Variants in SPSB1 observed in about 807,000 individuals in gnomAD.
SPSB1 encodes the protein SPRY domain-containing SOCS box protein 1.
SPSB1 carries 8 observed loss-of-function variants against 21.2 expected under a neutral mutation model. The ratio of observed to expected loss-of-function variants is 0.38; its 90% confidence interval spans 0.22 to 0.68. The LOEUF (loss-of-function observed/expected upper bound fraction) is 0.68. SPSB1 is among the 30% of genes least tolerant of loss of function. The probability of loss-of-function intolerance (pLI) is 0.53; values close to 1 mark genes in which losing one functional copy is unlikely to be tolerated. For missense variants in SPSB1, 242 were observed against 377.8 expected (o/e 0.64, Z 2.98); for synonymous variants, 169 against 161.7 (o/e 1.05, Z -0.34).
intron 1 of SPSB1, among the ~76,000 whole-genome samples, chr1:9,303,621 G>A (rs1010050168): frequency 9.2e-5 from 14 of 152,180 alleles, no homozygotes; most frequent in Admixed American, 7.9e-4. Context: ...GAGTATCAGA[G>A]GAGAGAGGAG....
chr1:9,359,775 G>C (rs992940617), intron 2 of SPSB1, among the ~76,000 whole-genome samples: 8 of 149,580 alleles, frequency 5.3e-5, no homozygotes, highest in Non-Finnish European at 8.9e-5. Flanking sequence ...AGTGGCCTCT[G>C]AGAGGCCAGG....
rs1640157339 is a variant in SPSB1 at position 9,345,612 on chromosome 1, T to A, written c.-149-10131T>A. ...GCTACAGCTGCGATATATTGTAATTTTCAGTCTGTTTGACTATCATGCTGG... is the reference window on the plus strand; with the variant it reads ...GCTACAGCTGCGATATATTGTAATTATCAGTCTGTTTGACTATCATGCTGG... On this transcript the variant is annotated intron_variant, in intron 1 of 2. Coordinates refer to ENST00000328089, the MANE Select transcript of SPSB1 (RefSeq NM_025106.4). The surrounding 1 kb of genome is among the most constrained non-coding windows in gnomAD (Gnocchi z 4.8). 6.6e-6 allele frequency among the ~76,000 whole-genome samples: 1 copy of A among 152,156 alleles called. No homozygotes were observed. The highest frequency in any genetic ancestry group is 2.4e-5 in the African/African-American group (1 of 41,432).
At chr1:9,311,884 A>G (rs889474733) in intron 1 of SPSB1, among the ~76,000 whole-genome samples, 29 of 152,136 alleles carry the variant, frequency 1.9e-4, no homozygotes, top group African/African-American at 7.0e-4. Context: ...TGCCAGATGA[A>G]ATAGCTATGC....
chr1:9,344,358 C>T (rs899309575), intron 1 of SPSB1, among the ~76,000 whole-genome samples: 13 of 152,194 alleles, frequency 8.5e-5, no homozygotes, highest in South Asian at 6.2e-4. Flanking sequence ...CTTTGAGAAC[C>T]ACTCCTGTAA....
intron 1 of SPSB1, chr1:9,294,681 G>T (rs11802043): frequency 0.082 from 12,480 of 152,192 alleles, 1,687 homozygotes; most frequent in African/African-American, 0.28. Context: ...TGGTAAAAGC[G>T]CCATCCCTGG....
chr1:9,347,929 C>A (rs1422253170), intron 1 of SPSB1, among the ~76,000 whole-genome samples: 1 of 147,480 alleles, frequency 6.8e-6, no homozygotes, highest in South Asian at 2.2e-4. Flanking sequence ...ACCTTCTTTG[C>A]AGTTTCCCTG....
chr1:9,362,049 C>T (rs991588600), intron 2 of SPSB1, among the ~76,000 whole-genome samples: 2 of 152,234 alleles, frequency 1.3e-5, no homozygotes, highest in Admixed American at 1.3e-4. Context: ...GTTGAAGGTT[C>T]AGGGAAGGTC....
Position 9,307,958 on chromosome 1 carries a change from G to A in SPSB1, c.-150+14887G>A, listed in dbSNP as rs181351110. On this transcript the variant is annotated intron_variant, in intron 1 of 2. Coordinates refer to ENST00000328089, the MANE Select transcript of SPSB1 (RefSeq NM_025106.4). ...ATGCCAGAGGTGCCCCATGGGGACC[G>A]ACCCTGAGGCTGGGAGTCTGTAACT... Among the ~76,000 whole-genome samples, 78 of 152,258 alleles carry A rather than the reference G, an allele frequency of 5.1e-4. No individual in the cohort carries two copies. The East Asian group carries it at 5.6e-3, about 11-fold the overall frequency.
chr1:9,363,169 C>A lies in SPSB1; in HGVS notation c.695-4279C>A, dbSNP rs773078171. 6.6e-6 allele frequency among the ~76,000 whole-genome samples: 1 copy of A among 152,224 alleles called. No individual in the cohort carries two copies. Among genetic ancestry groups the A allele is most frequent in the African/African-American group, 2.4e-5 (1 of 41,456 alleles). On this transcript the variant is annotated intron_variant, in intron 2 of 2. Transcript: ENST00000328089. The surrounding 1 kb of genome is among the most constrained non-coding windows in gnomAD (Gnocchi z 4.5). The stretch of plus-strand genomic sequence containing the variant: ...CATGCATTCTTGGTCTCTGCCCAGC[C>A]TTTGGAAAGCAGTTAGACCGGGCCC...
chr1:9,301,729 G>A (rs1639333061), intron 1 of SPSB1, among the ~76,000 whole-genome samples: 1 of 152,192 alleles, frequency 6.6e-6, no homozygotes, highest in South Asian at 2.1e-4. Flanking sequence ...CAGCAGCATG[G>A]ACTGCCACTC....
At chr1:9,331,634 A>G (rs1277105611) in intron 1 of SPSB1, among the ~76,000 whole-genome samples, 1 of 151,914 alleles carries the variant, frequency 6.6e-6, no homozygotes, top group Non-Finnish European at 1.5e-5. Flanking sequence ...CCTAGCCGGC[A>G]CTCATTCTTA....
At position 9,355,937 on chromosome 1, in the gene SPSB1, G is replaced by A. The variant is rs1284135398; in HGVS notation, c.46G>A (p.Asp16Asn). 5.0e-6 allele frequency: 8 copies of A among 1,609,216 alleles called. No homozygotes were observed. The highest frequency in any genetic ancestry group is 6.8e-6 in the Non-Finnish European group (8 of 1,177,456). ...AGGGATCAAGACTGTGGACATGAGG[G>A]ACCCCACGTACAGGCCCCTGAAGCA... ...TGGIKTVDMRDPTYRPLKQEL... is the reference protein window; with the variant it reads ...TGGIKTVDMRNPTYRPLKQEL... Residue 16 changes from aspartate (D) to asparagine (N), a missense_variant, in exon 2 of 3, where the codon GAC becomes AAC. Asp to Asn is a conservative substitution (Grantham distance 23). Coordinates refer to ENST00000328089, the MANE Select transcript of SPSB1 (RefSeq NM_025106.4).
rs543208029 is a variant in SPSB1 at position 9,333,116 on chromosome 1, T to C, written c.-149-22627T>C. Among the ~76,000 whole-genome samples the C allele has an allele frequency of 1.1e-4, 16 of 152,250 alleles. No homozygotes were observed. The East Asian group carries it at 2.1e-3, about 20-fold the overall frequency. On this transcript the variant is annotated intron_variant, in intron 1 of 2. Transcript: ENST00000328089. ...CCCAGGTGCACACTCCATGGGAAAA[T>C]GGCCAGAAACATGGAACCCACCTTC...
chr1:9,295,231 TGTGTGTGTGTGC>T (rs1299311224), intron 1 of SPSB1, among the ~76,000 whole-genome samples: 97 of 151,094 alleles, frequency 6.4e-4, no homozygotes, highest in Non-Finnish European at 7.4e-4. Context: ...TGTGTGTGTG[TGTGTGTGTGTGC>T]GCGCGTGCGG....
chr1:9,296,996 C>A (rs114192199), intron 1 of SPSB1, among the ~76,000 whole-genome samples: 1 of 152,160 alleles, frequency 6.6e-6, no homozygotes, highest in East Asian at 1.9e-4. Flanking sequence ...CTTAGGCTCT[C>A]GGGGCCTTTC....
chr1:9,337,403 C>T (rs1227793930), intron 1 of SPSB1, among the ~76,000 whole-genome samples: 1 of 152,052 alleles, frequency 6.6e-6, no homozygotes, highest in East Asian at 1.9e-4. Flanking sequence ...CACCTCACAC[C>T]TGGCCAGCCA....
chr1:9,303,411 C>T (rs1040008560), intron 1 of SPSB1, among the ~76,000 whole-genome samples: 2 of 152,174 alleles, frequency 1.3e-5, no homozygotes, highest in Admixed American at 1.3e-4. Context: ...GCTCCAACCA[C>T]GTGACCAGTT....
chr1:9,332,441 TGGCAGCATTGTAGAGGCCAGGAGGG>T (rs1256426936), intron 1 of SPSB1, among the ~76,000 whole-genome samples: 1 of 152,052 alleles, frequency 6.6e-6, no homozygotes. Context: ...TGATAGAAAT[TGGCAGCATTGTAGAGGCCAGGAGGG>T]GGCCATTTGA....
intron 1 of SPSB1, among the ~76,000 whole-genome samples, chr1:9,353,049 C>A (rs143973383): frequency 6.6e-6 from 1 of 152,206 alleles, no homozygotes; most frequent in East Asian, 1.9e-4. Flanking sequence ...AGGGAGCTGA[C>A]CTCTGTGCCC....
Sources: allele counts gnomAD v4.1 joint callset (sites outside exome capture counted in the v4.1 genomes callset), GRCh38; gene constraint gnomAD v4.1.1; non-coding constraint Gnocchi (gnomAD v3.1); transcripts MANE v1.5; gene names NCBI Gene and HGNC (gene_info 2026-07-23, HGNC 2026-07-21).